PLEKHA5: variants seen among roughly 807,000 people sequenced by gnomAD.
The protein encoded by PLEKHA5 is pleckstrin homology domain containing A5, also known as pleckstrin homology domain-containing family A member 5.
A neutral mutation model predicts 181.9 loss-of-function variants in PLEKHA5; 55 were observed. The observed-to-expected ratio is 0.30, with a 90% CI of 0.24 to 0.38. PLEKHA5 has a LOEUF of 0.38. Ranked by LOEUF, PLEKHA5 falls within the 10% of genes least tolerant of loss-of-function variation. The pLI is 1.00. For synonymous variants in PLEKHA5, 535 were observed against 529.4 expected, an observed-to-expected ratio of 1.01 and a Z score of -0.15; for missense variants, 1,432 against 1,549.5, an observed-to-expected ratio of 0.92 and a Z score of 1.27.
chr12:19,255,898 A>G (rs2066755020), intron 5 of PLEKHA5, among the ~76,000 whole-genome samples: 1 of 151,174 alleles, frequency 6.6e-6, no homozygotes, highest in Admixed American at 6.6e-5. Context: ...AAAAAAAAAA[A>G]AGAAAAGCTC....
intron 20 of PLEKHA5, among the ~76,000 whole-genome samples, chr12:19,325,408 G>T (rs967996635): frequency 2.0e-5 from 3 of 151,136 alleles, no homozygotes; most frequent in African/African-American, 7.3e-5. Context: ...AATAATAGAA[G>T]GCCAGGCATG....
chr12:19,359,826 C>T (rs377570362), intron 28 of PLEKHA5, among the ~76,000 whole-genome samples: 15 of 151,768 alleles, frequency 9.9e-5, no homozygotes, highest in African/African-American at 3.6e-4. Context: ...ATTAGCCGGG[C>T]TTGGTGGCAG....
intron 3 of PLEKHA5, among the ~76,000 whole-genome samples, chr12:19,217,290 C>T (rs1048109221): frequency 1.1e-4 from 17 of 152,032 alleles, no homozygotes; most frequent in African/African-American, 3.9e-4. Flanking sequence ...GAGAATTACA[C>T]GTGTGGAATG....
chr12:19,163,202 A>G (rs1245927342), intron 3 of PLEKHA5, among the ~76,000 whole-genome samples: 1 of 148,018 alleles, frequency 6.8e-6, no homozygotes, highest in African/African-American at 2.5e-5. Flanking sequence ...TTTGAGATGG[A>G]GTCTCACTCT....
chr12:19,211,723 A>G (rs1333477298), intron 3 of PLEKHA5, among the ~76,000 whole-genome samples: 3 of 152,226 alleles, frequency 2.0e-5, no homozygotes, highest in Non-Finnish European at 1.5e-5. Context: ...ATGAGACCTC[A>G]TCCTATAAAA....
At chr12:19,334,832 AT>A (rs1565630039) in intron 20 of PLEKHA5, among the ~76,000 whole-genome samples, 447 of 25,216 alleles carry the variant, frequency 0.018, 14 homozygotes, top group African/African-American at 0.044. Context: ...AAAAAAAAAT[AT>A]ATATATATAT....
chr12:19,302,906 A>ATTTTTTTTTTTTTTTTTTTTT (rs34702332), intron 15 of PLEKHA5, among the ~76,000 whole-genome samples: 4 of 53,992 alleles, frequency 7.4e-5, no homozygotes, highest in African/African-American at 1.5e-4. Context: ...TCTGTATGAA[A>ATTTTTTTTTTTTTTTTTTTTT]TTTTTTTTTT....
intron 3 of PLEKHA5, among the ~76,000 whole-genome samples, chr12:19,206,936 A>G (rs1565466164): frequency 1.3e-5 from 2 of 152,194 alleles, no homozygotes; most frequent in African/African-American, 4.8e-5. Context: ...TTCTAAAGCA[A>G]TAAAATTATT....
intron 9 of PLEKHA5, 121 bp from the exon 10 acceptor site, chr12:19,270,067 A>AT (rs1399151162): frequency 1.5e-6 from 1 of 652,380 alleles, no homozygotes; most frequent in African/African-American, 1.8e-5. Context: ...TTAGTTTGCG[A>AT]TACCACCTAC....
At chr12:19,305,558 C>CAA (rs35582080) in intron 15 of PLEKHA5, among the ~76,000 whole-genome samples, 4 of 117,414 alleles carry the variant, frequency 3.4e-5, no homozygotes, top group African/African-American at 6.6e-5. Flanking sequence ...GACTGTGTCT[C>CAA]AAAAAAAAAA....
intron 7 of PLEKHA5, 82 bp downstream of exon 7, chr12:19,261,103 T>TC: frequency 1.5e-6 from 1 of 682,152 alleles, no homozygotes; most frequent in Non-Finnish European, 2.5e-6. Flanking sequence ...TTAAAAAGTA[T>TC]TGTAACTCTG....
In PLEKHA5 at chr12:19,309,037, A is replaced by G. The variant is rs542917145; in HGVS notation, c.2038-5777A>G. ...AGATTGCGCTACTGCACTCTAGCCTAGGCGACAGAGCAAGACTCCATCTCA... is the reference window on the plus strand; with the variant it reads ...AGATTGCGCTACTGCACTCTAGCCTGGGCGACAGAGCAAGACTCCATCTCA... On this transcript the variant is annotated intron_variant, in intron 15 of 31. Transcript: ENST00000429027. 1.0e-3 allele frequency among the ~76,000 whole-genome samples: 154 copies of G among 152,060 alleles called. 1 individual carries two copies. The highest frequency in any genetic ancestry group is 3.5e-3 in the African/African-American group (145 of 41,450).
In PLEKHA5 at chr12:19,130,631, C is replaced by T. The variant is rs1270150499; in HGVS notation, c.169+501C>T. On this transcript the variant is annotated intron_variant, in intron 2 of 31. Transcript: ENST00000429027. The surrounding 1 kb of genome is among the most constrained non-coding windows in gnomAD (Gnocchi z 4.5). ...CCCCTCCTCCCAGGAGCGCTGCCTC[C>T]TGCCGTGCAGCTTCCTCCTCCTAGG... 1 of 152,510 alleles carries T rather than the reference C, an allele frequency of 6.6e-6. No individual in the cohort carries two copies. Among genetic ancestry groups the T allele is most frequent in the East Asian group, 1.9e-4 (1 of 5,166 alleles). The allele number at this position is 152,510 out of a possible 1,614,324, so 9.4% of individuals were successfully genotyped here.
chr12:19,348,824 A>G (rs967175577), intron 25 of PLEKHA5, among the ~76,000 whole-genome samples: 224 of 152,264 alleles, frequency 1.5e-3, no homozygotes, highest in African/African-American at 5.3e-3. Context: ...TTAGCTGGGC[A>G]TGGTGGCACG....
Position 19,194,119 on chromosome 12 carries a change from G to A in PLEKHA5, c.228-59821G>A, listed in dbSNP as rs369690050. Among the ~76,000 whole-genome samples the A allele has an allele frequency of 1.4e-4, 21 of 152,208 alleles. No homozygotes were observed. In the South Asian group the frequency reaches 4.2e-3, roughly 30 times the overall value. On this transcript the variant is annotated intron_variant, in intron 3 of 31. Transcript: ENST00000429027. ...AACAAATATCCAAATCATGTCAGTC[G>A]CCATTGTCCTTCATTCCATACTCTG...
chr12:19,232,069 A>T (rs1336860513), intron 3 of PLEKHA5, among the ~76,000 whole-genome samples: 1 of 152,158 alleles, frequency 6.6e-6, no homozygotes, highest in Non-Finnish European at 1.5e-5. Flanking sequence ...TTTATTGCTC[A>T]AATAATTGCT....
chr12:19,366,061 T>G lies in PLEKHA5; in HGVS notation c.3706T>G (p.Ser1236Ala), dbSNP rs1369251543. 1 of 1,612,388 alleles carries G rather than the reference T, an allele frequency of 6.2e-7. No homozygotes were observed. Residue 1236 changes from serine (S) to alanine (A), a missense_variant, in exon 30 of 32, where the codon TCT becomes GCT. Around this residue, in one of 2 missense-constraint regions of PLEKHA5, gnomAD observed 1,143 missense variants for 1,168.4 expected, o/e 0.98. Transcript: ENST00000429027. ...TGACGAACAGGAAGAAACTGTTATT[T>G]CTTACGAATCAACTCCTGAGGTTTC... ...SVDEQEETVI[S>A]YESTPEVSRG...
chr12:19,374,212 T>G (rs1399179448), intron 31 of PLEKHA5, among the ~76,000 whole-genome samples: 1 of 152,052 alleles, frequency 6.6e-6, no homozygotes, highest in Non-Finnish European at 1.5e-5. Context: ...ATTTTGTTGA[T>G]CTTTTGGATT....
chr12:19,364,460 GAGA>G, intron 29 of PLEKHA5, among the ~76,000 whole-genome samples: 1 of 151,900 alleles, frequency 6.6e-6, no homozygotes, highest in African/African-American at 2.4e-5. Context: ...TCAGTGAGCC[GAGA>G]TCCCGCCACT....
Sources: gnomAD v4.1 joint callset for allele counts (sites outside exome capture counted in the v4.1 genomes callset) on GRCh38, gnomAD v4.1.1 for gene constraint, gnomAD v4.1.1 regional missense constraint, Gnocchi (gnomAD v3.1) non-coding constraint, MANE v1.5 for transcripts, NCBI Gene and HGNC (gene_info 2026-07-23, HGNC 2026-07-21) for gene names.